The following ABCC2 variants were observed in gnomAD, a reference collection of about 807,000 sequenced individuals.
ABCC2 encodes the protein ATP-binding cassette sub-family C member 2.
Under a neutral mutation model 173.4 loss-of-function variants are expected in ABCC2, and 157 were observed. That is an observed-to-expected ratio of 0.91 (90% confidence interval 0.80 to 1.03). The LOEUF (loss-of-function observed/expected upper bound fraction) is 1.03. Ranked by LOEUF, ABCC2 falls within the 50% of genes least tolerant of loss-of-function variation. The pLI is 0.00. For synonymous variants in ABCC2, 657 were observed against 693.5 expected, an observed-to-expected ratio of 0.95 and a Z score of 0.83; for missense variants, 1,822 against 1,852.3, an observed-to-expected ratio of 0.98 and a Z score of 0.30.
intron 6 of ABCC2, among the ~76,000 whole-genome samples, chr10:99,796,036 C>G (rs1490119762): frequency 6.6e-6 from 1 of 152,096 alleles, no homozygotes; most frequent in Non-Finnish European, 1.5e-5. Context: ...CATCCATATT[C>G]TCAAACTCCT....
chr10:99,786,597 T>A lies in ABCC2; in HGVS notation c.207+1816T>A, dbSNP rs113023982. ...TTAATACAATTCAGGCCGGATGCTGTGGCTCACGCCTGTAATCCCAACACT... is the reference window on the plus strand; with the variant it reads ...TTAATACAATTCAGGCCGGATGCTGAGGCTCACGCCTGTAATCCCAACACT... On this transcript the variant is annotated intron_variant, in intron 2 of 31. Coordinates refer to ENST00000647814, the MANE Select transcript of ABCC2 (RefSeq NM_000392.5). 6.8e-3 allele frequency among the ~76,000 whole-genome samples: 1,034 copies of A among 152,386 alleles called. 8 individuals carry two copies. The highest frequency in any genetic ancestry group is 0.023 in the African/African-American group (962 of 41,592).
chr10:99,830,521 G>A (rs1322257532), intron 20 of ABCC2, 88 bp downstream of exon 20: 1 of 1,593,116 alleles, frequency 6.3e-7, no homozygotes, highest in African/African-American at 1.3e-5. Context: ...TTCCTGTGAG[G>A]GTTAACACCA....
chr10:99,806,501 C>T (rs74152768), intron 11 of ABCC2, among the ~76,000 whole-genome samples: 1 of 152,150 alleles, frequency 6.6e-6, no homozygotes, highest in Admixed American at 6.6e-5. Context: ...CTAGATGATT[C>T]TAATATGCCA....
intron 14 of ABCC2, 74 bp downstream of exon 14, chr10:99,810,292 T>C: frequency 8.7e-7 from 1 of 1,153,778 alleles, no homozygotes; most frequent in Non-Finnish European, 1.3e-6. Flanking sequence ...TACAAGAGCT[T>C]AGTAGCAGCA....
At chr10:99,785,856 C>T (rs2037700223) in intron 2 of ABCC2, among the ~76,000 whole-genome samples, 1 of 151,880 alleles carries the variant, frequency 6.6e-6, no homozygotes, top group South Asian at 2.1e-4. Context: ...TTTAGAAAGG[C>T]AAACTAGATT....
At chr10:99,786,589 G>A (rs1214264910) in intron 2 of ABCC2, among the ~76,000 whole-genome samples, 7 of 152,190 alleles carry the variant, frequency 4.6e-5, no homozygotes, top group Non-Finnish European at 1.0e-4. Context: ...AATTCAGGCC[G>A]GATGCTGTGG....
chr10:99,827,322 C>T (rs1287375626), intron 19 of ABCC2, among the ~76,000 whole-genome samples: 2 of 152,020 alleles, frequency 1.3e-5, no homozygotes, highest in African/African-American at 4.8e-5. Context: ...TGGACCTTTT[C>T]CTTCTAATTT....
intron 6 of ABCC2, among the ~76,000 whole-genome samples, chr10:99,794,974 G>A (rs1431754861): frequency 2.0e-5 from 3 of 152,216 alleles, no homozygotes; most frequent in Non-Finnish European, 4.4e-5. Flanking sequence ...AGGAGAAGAT[G>A]GAGGGGGATT....
At position 99,814,113 on chromosome 10, in the gene ABCC2, G is replaced by GTATATACACACATATGTGTGTA. The variant is rs1165595520; in HGVS notation, c.2094+983_2094+1004dup. 2.8e-4 allele frequency among the ~76,000 whole-genome samples: 30 copies of GTATATACACACATATGTGTGTA among 105,434 alleles called. 5 individuals are homozygous for GTATATACACACATATGTGTGTA. The South Asian group carries it at 5.1e-3, about 18-fold the overall frequency. The allele number at this position is 105,434 out of a possible 152,430, so 69.2% of individuals were successfully genotyped here. On this transcript the variant is annotated intron_variant, in intron 16 of 31. Coordinates refer to ENST00000647814, the MANE Select transcript of ABCC2 (RefSeq NM_000392.5). ...TACACATATATATACACACATATGT[G>GTATATACACACATATGTGTGTA]TATATACACACATATGTGTGTATAT...
intron 5 of ABCC2, 79 bp downstream of exon 5, chr10:99,794,078 G>C (rs2037854549): frequency 3.6e-6 from 5 of 1,371,570 alleles, no homozygotes; most frequent in Non-Finnish European, 5.1e-6. Context: ...AGATGTCTGG[G>C]TCTCACGGAG....
At position 99,813,050 on chromosome 10, in the gene ABCC2, T is replaced by C. The variant is rs2038244208; in HGVS notation, c.2000T>C (p.Val667Ala). Residue 667 changes from valine (V) to alanine (A), a missense_variant, in exon 16 of 32, where the codon GTG (valine) becomes GCG (alanine). Coordinates refer to ENST00000647814, the MANE Select transcript of ABCC2 (RefSeq NM_000392.5). ...CTGGACATTATGGCAGGCCAACTTG[T>C]GGCTGTGATAGGCCCTGTCGGCTCT... ...VNLDIMAGQL[V>A]AVIGPVGSGK... 1 of 1,614,074 alleles carries C rather than the reference T, an allele frequency of 6.2e-7. No individual in the cohort carries two copies. The highest frequency in any genetic ancestry group is 8.5e-7 in the Non-Finnish European group (1 of 1,179,924).
chr10:99,786,079 C>G (rs889906216), intron 2 of ABCC2, among the ~76,000 whole-genome samples: 1 of 152,090 alleles, frequency 6.6e-6, no homozygotes, highest in Admixed American at 6.6e-5. Flanking sequence ...ATCACAGGAC[C>G]TAGCATGTTT....
In ABCC2 at chr10:99,789,108, A is replaced by C. The variant is rs1179286463; in HGVS notation, c.208-3126A>C. The C allele has an allele frequency of 2.6e-5, 4 of 153,124 alleles. No homozygotes were observed. In the East Asian group the frequency reaches 7.7e-4, roughly 30 times the overall value. The allele number at this position is 153,124 out of a possible 1,614,324, so 9.5% of individuals were successfully genotyped here. A position where few individuals can be genotyped will look rare whatever the true frequency, so the allele number is the denominator to read the frequency against. On this transcript the variant is annotated intron_variant, in intron 2 of 31. Transcript: ENST00000647814. Reference sequence around the variant, plus strand: ...ATTACACACAGCTGGGCCGGAGAGAACATGATTCTGGTCTTCTGTTTCTTC... The same window carrying C: ...ATTACACACAGCTGGGCCGGAGAGACCATGATTCTGGTCTTCTGTTTCTTC...
Position 99,833,434 on chromosome 10 carries a change from A to G in ABCC2, c.3259-946A>G, listed in dbSNP as rs1450498741. ...GAGAAAGGAAACTGTCATTAATTAT[A>G]TAGTATGTTTCGTTGGGGAGGTGGC... On this transcript the variant is annotated intron_variant, in intron 23 of 31. Transcript: ENST00000647814. Among the ~76,000 whole-genome samples, 4 of 152,302 alleles carry G rather than the reference A, an allele frequency of 2.6e-5. 1 individual carries two copies. Among genetic ancestry groups the G allele is most frequent in the Non-Finnish European group, 5.9e-5 (4 of 68,020 alleles).
intron 31 of ABCC2, 21 bp downstream of exon 31, chr10:99,850,817 C>T: frequency 6.2e-7 from 1 of 1,613,836 alleles, no homozygotes; most frequent in South Asian, 1.1e-5. Flanking sequence ...GGGGACAGGG[C>T]TTGACACGGA....
At chr10:99,830,519 A>G in intron 20 of ABCC2, 86 bp downstream of exon 20, 1 of 1,596,078 alleles carries the variant, frequency 6.3e-7, no homozygotes. Context: ...TTTTCCTGTG[A>G]GGGTTAACAC....
At position 99,831,786 on chromosome 10, in the gene ABCC2, G is replaced by A. The variant is rs2038743872; in HGVS notation, c.3059G>A (p.Arg1020Lys). Residue 1020 changes from arginine to lysine, a missense_variant, in exon 22 of 32, where the codon AGG (arginine) becomes AAG (lysine). Coordinates refer to ENST00000647814, the MANE Select transcript of ABCC2 (RefSeq NM_000392.5). ...FNSTDYPASQ[R>K]DMRVGVYGAL... ...AGCACCGACTATCCAGCATCTCAGA[G>A]GGACATGAGAGTTGGAGTCTACGGA... 1 of 1,614,204 alleles carries A rather than the reference G, an allele frequency of 6.2e-7. No homozygotes were observed. The highest frequency in any genetic ancestry group is 8.5e-7 in the Non-Finnish European group (1 of 1,180,038).
rs1318656378 is a variant in ABCC2 at position 99,814,689 on chromosome 10, A to G, written c.2094+1545A>G. ...TATATACACATATACACACACGTGT[A>G]TATACACATATATGTGTATACATGT... On this transcript the variant is annotated intron_variant, in intron 16 of 31. Coordinates refer to ENST00000647814, the MANE Select transcript of ABCC2 (RefSeq NM_000392.5). Among the ~76,000 whole-genome samples the G allele has an allele frequency of 8.8e-5, 11 of 125,052 alleles. 2 individuals carry two copies. Among genetic ancestry groups the G allele is most frequent in the Non-Finnish European group, 1.7e-4 (10 of 59,398 alleles). The allele number at this position is 125,052 out of a possible 152,430, so 82.0% of individuals were successfully genotyped here.
intron 19 of ABCC2, among the ~76,000 whole-genome samples, chr10:99,822,291 ATATTTTGT>A (rs2038552847): frequency 6.6e-6 from 1 of 151,704 alleles, no homozygotes; most frequent in Non-Finnish European, 1.5e-5. Flanking sequence ...TGTTCTCTAG[ATATTTTGT>A]AGCTAACTGC....
Sources: allele counts gnomAD v4.1 joint callset (sites outside exome capture counted in the v4.1 genomes callset), GRCh38; gene constraint gnomAD v4.1.1; transcripts MANE v1.5; gene names NCBI Gene and HGNC (gene_info 2026-07-23, HGNC 2026-07-21).